Variants in VWA3B observed in about 807,000 individuals in gnomAD.
VWA3B encodes the protein von Willebrand factor A domain containing 3B, also known as von Willebrand factor A domain-containing protein 3B.
In VWA3B, 138 loss-of-function variants were observed where a neutral mutation model predicts 158.3. The ratio of observed to expected loss-of-function variants is 0.87; its 90% CI spans 0.76 to 1.00. The LOEUF is 1.00. Ranked by LOEUF, VWA3B falls within the 50% of genes least tolerant of loss-of-function variation. VWA3B has a pLI of 0.00. For synonymous variants in VWA3B, 596 were observed against 587.3 expected, an observed-to-expected ratio of 1.01 and a Z score of -0.21; for missense variants, 1,555 against 1,565.1, an observed-to-expected ratio of 0.99 and a Z score of 0.11.
intron 1 of VWA3B, among the ~76,000 whole-genome samples, chr2:98,091,693 G>A (rs1171536211): frequency 6.6e-6 from 1 of 152,272 alleles, no homozygotes; most frequent in East Asian, 1.9e-4. Flanking sequence ...CCCTGACTTG[G>A]TCCAACTGAT....
At chr2:98,282,795 C>T (rs1688959766) in intron 22 of VWA3B, among the ~76,000 whole-genome samples, 1 of 152,128 alleles carries the variant, frequency 6.6e-6, no homozygotes. Flanking sequence ...TTCCAGTGAA[C>T]TTACAGGCGT....
chr2:98,201,445 T>G (rs1191423059), intron 12 of VWA3B, among the ~76,000 whole-genome samples: 2 of 152,180 alleles, frequency 1.3e-5, no homozygotes, highest in Non-Finnish European at 2.9e-5. Context: ...TGATTTTATT[T>G]TTTCCTATCC....
At chr2:98,170,675 C>T (rs1022689307) in intron 8 of VWA3B, among the ~76,000 whole-genome samples, 7 of 151,324 alleles carry the variant, frequency 4.6e-5, no homozygotes, top group African/African-American at 1.7e-4. Flanking sequence ...GATGCCACCT[C>T]GGCTCACTGC....
At chr2:98,175,744 A>G (rs564525075) in intron 8 of VWA3B, among the ~76,000 whole-genome samples, 1 of 152,308 alleles carries the variant, frequency 6.6e-6, no homozygotes. Context: ...AGGATAAAAG[A>G]CACCCACACC....
intron 12 of VWA3B, among the ~76,000 whole-genome samples, chr2:98,196,548 C>T (rs1401647590): frequency 2.0e-5 from 3 of 152,200 alleles, no homozygotes; most frequent in Non-Finnish European, 4.4e-5. Context: ...CCCAAACAAG[C>T]ATAGGCGTTC....
At chr2:98,165,523 G>A (rs1036734230) in intron 8 of VWA3B, among the ~76,000 whole-genome samples, 4 of 152,142 alleles carry the variant, frequency 2.6e-5, no homozygotes, top group Non-Finnish European at 4.4e-5. Flanking sequence ...TGCCTCCTGG[G>A]TTACAGAGGT....
intron 23 of VWA3B, among the ~76,000 whole-genome samples, chr2:98,293,303 A>G (rs1689608882): frequency 6.6e-6 from 1 of 152,214 alleles, no homozygotes; most frequent in South Asian, 2.1e-4. Context: ...AAACTTCAAT[A>G]AATCAGCTTG....
Position 98,128,392 on chromosome 2 carries a change from GCCAAGACC to G in VWA3B, c.858_865del (p.Lys287GlnfsTer24). The G allele has an allele frequency of 6.2e-7, 1 of 1,613,480 alleles. No individual in the cohort carries two copies. The highest frequency in any genetic ancestry group is 1.7e-4 in the Middle Eastern group (1 of 5,830). Reference sequence around the variant, plus strand: ...TATAGCTTTTCTAAAGGATCTGAGTGCCAAGACCCACAGCAGGTAGGCAGAAAATGTGC... The same window carrying G: ...TATAGCTTTTCTAAAGGATCTGAGTGCACAGCAGGTAGGCAGAAAATGTGC... On this transcript the variant is annotated frameshift_variant, in exon 6 of 28. Coordinates refer to ENST00000477737, the MANE Select transcript of VWA3B (RefSeq NM_144992.5). LOFTEE classifies it high-confidence loss of function.
chr2:98,314,865 A>C (rs111291389), downstream of VWA3B, among the ~76,000 whole-genome samples: 5,933 of 152,274 alleles, frequency 0.039, 167 homozygotes, highest in Middle Eastern at 0.075. Context: ...TCTACTAAAA[A>C]TACAAAAATT....
intron 20 of VWA3B, among the ~76,000 whole-genome samples, chr2:98,253,223 C>T (rs547209804): frequency 6.6e-6 from 1 of 152,112 alleles, no homozygotes; most frequent in African/African-American, 2.4e-5. Context: ...CATTTACCAC[C>T]CCCATCCCCT....
At chr2:98,286,863 T>C (rs1236809040) in intron 22 of VWA3B, among the ~76,000 whole-genome samples, 1 of 152,088 alleles carries the variant, frequency 6.6e-6, no homozygotes, top group Non-Finnish European at 1.5e-5. Flanking sequence ...CAGCCAGAAA[T>C]CTGGGTTTAT....
chr2:98,281,072 A>G (rs1299588089), intron 22 of VWA3B, among the ~76,000 whole-genome samples: 1 of 152,220 alleles, frequency 6.6e-6, no homozygotes, highest in African/African-American at 2.4e-5. Flanking sequence ...GATGCTGGGC[A>G]GGAGTTTGCC....
chr2:98,120,546 C>A (rs1478500657), intron 4 of VWA3B, among the ~76,000 whole-genome samples: 3 of 152,232 alleles, frequency 2.0e-5, no homozygotes, highest in African/African-American at 7.2e-5. Context: ...CTGTACAACA[C>A]AGATGCCACT....
At chr2:98,262,575 A>G (rs1338239066) in intron 21 of VWA3B, among the ~76,000 whole-genome samples, 1 of 151,854 alleles carries the variant, frequency 6.6e-6, no homozygotes, top group Non-Finnish European at 1.5e-5. Context: ...ATCACTTGAC[A>G]AGATCACATG....
chr2:98,323,894 G>A, the VWA3B span, among the ~76,000 whole-genome samples: 795 of 152,252 alleles, frequency 5.2e-3, 12 homozygotes, highest in African/African-American at 0.018. Flanking sequence ...TCTTAAGAAA[G>A]ACCCTCCACC....
intron 2 of VWA3B, among the ~76,000 whole-genome samples, chr2:98,104,200 G>T (rs1214496303): frequency 6.6e-6 from 1 of 152,188 alleles, no homozygotes; most frequent in Non-Finnish European, 1.5e-5. Context: ...AAATCAGTTA[G>T]TGTCTTTATC....
chr2:98,270,776 C>G lies in VWA3B; in HGVS notation c.2938C>G (p.Leu980Val), dbSNP rs762709719. The G allele has an allele frequency of 3.1e-6, 5 of 1,614,040 alleles. No homozygotes were observed. In the South Asian group the frequency reaches 4.4e-5, roughly 14 times the overall value. The stretch of plus-strand genomic sequence containing the variant: ...GAATTGGCCCATTTCACTGAAAGAG[C>G]TGTCGATGCTGGAAAGTGAAATCCT... The part of the protein sequence containing the change: ...RLNWPISLKE[L>V]SMLESEILAG... The change falls in exon 22 of 28, where the codon CTG (leucine) becomes GTG (valine). Residue 980 changes from leucine to valine, a missense_variant. Transcript: ENST00000477737.
rs562529551 is a variant in VWA3B at position 98,174,171 on chromosome 2, G to A, written c.1115-6845G>A. Reference sequence around the variant, plus strand: ...TTCATAACTCTAGAAATTAACCCAAGGTGTGCAGCAATCTGGGAAGTGTTT... The same window carrying A: ...TTCATAACTCTAGAAATTAACCCAAAGTGTGCAGCAATCTGGGAAGTGTTT... On this transcript the variant is annotated intron_variant, in intron 8 of 27. Transcript: ENST00000477737. Among the ~76,000 whole-genome samples, 10 of 152,266 alleles carry A rather than the reference G, an allele frequency of 6.6e-5. No individual in the cohort carries two copies. In the East Asian group the frequency reaches 1.7e-3, roughly 26 times the overall value.
At chr2:98,180,935 C>G (rs1680516889) in intron 8 of VWA3B, 81 bp from the exon 9 acceptor site, 1 of 1,371,060 alleles carries the variant, frequency 7.3e-7, no homozygotes, top group African/African-American at 1.4e-5. Flanking sequence ...AGAACACGTT[C>G]CAAGTTGGTC....
Sources: gnomAD v4.1 joint callset for allele counts (sites outside exome capture counted in the v4.1 genomes callset) on GRCh38, gnomAD v4.1.1 for gene constraint, MANE v1.5 for transcripts, NCBI Gene and HGNC (gene_info 2026-07-23, HGNC 2026-07-21) for gene names.